Variants in PXDN observed in about 807,000 individuals in gnomAD.
PXDN encodes peroxidasin homolog.
A neutral mutation model predicts 140.3 loss-of-function variants in PXDN; 77 were observed. The observed-to-expected ratio is 0.55, with a 90% CI of 0.46 to 0.66. The LOEUF (loss-of-function observed/expected upper bound fraction) is 0.66, where lower values mean the gene tolerates loss of function less well. Ranked by LOEUF, PXDN falls within the 30% of genes least tolerant of loss-of-function variation. The pLI is 0.00. For missense variants in PXDN, 1,838 were observed against 2,039.5 expected (o/e 0.90, Z 1.90); for synonymous variants, 911 against 857.4 (o/e 1.06, Z -1.09).
In PXDN at chr2:1,648,089, G is replaced by C; in HGVS notation, c.3608+83C>G. The C allele has an allele frequency of 6.6e-7, 1 of 1,507,352 alleles. No individual in the cohort carries two copies. Among genetic ancestry groups the C allele is most frequent in the Non-Finnish European group, 9.0e-7 (1 of 1,109,682 alleles). The allele number at this position is 1,507,352 out of a possible 1,614,324, so 93.4% of individuals were successfully genotyped here. ...ACGACACGAACAAAACTCACACACA[G>C]AGACAAATAACACACACACCACAGT... On this transcript the variant is annotated intron_variant, in intron 17 of 22. Coordinates refer to ENST00000252804, the MANE Select transcript of PXDN (RefSeq NM_012293.3). This position sits in a 1 kb window ranked among gnomAD's most constrained non-coding sequence, Gnocchi z 8.9.
At chr2:1,659,898 A>G (rs962439513) in intron 14 of PXDN, among the ~76,000 whole-genome samples, 3 of 152,170 alleles carry the variant, frequency 2.0e-5, no homozygotes, top group Admixed American at 6.5e-5. Flanking sequence ...CTGTCTGTTA[A>G]CAAGTCCCAT....
chr2:1,716,241 C>T (rs542130758), intron 1 of PXDN, among the ~76,000 whole-genome samples: 1 of 152,042 alleles, frequency 6.6e-6, no homozygotes, highest in Admixed American at 6.5e-5. Flanking sequence ...AGTTTGAAAC[C>T]AGCCTGACCA....
At position 1,643,377 on chromosome 2, in the gene PXDN, A is replaced by C; in HGVS notation, c.3943T>G (p.Cys1315Gly). ...PRVDLRVWQD[C>G]CEDCRTRGQF... ...TGCCCCTGGCACGCACCTTCACAGC[A>C]GTCCTGCCACACCCGGAGGTCTACC... is the stretch of plus-strand genomic sequence containing the variant. Residue 1315 changes from cysteine (C) to glycine (G), a missense_variant, in exon 19 of 23, where the codon TGC becomes GGC. Cys to Gly is a radical substitution (Grantham distance 159, BLOSUM62 -3). Transcript: ENST00000252804. 1 of 1,613,686 alleles carries C rather than the reference A, an allele frequency of 6.2e-7. No homozygotes were observed. The highest frequency in any genetic ancestry group is 8.5e-7 in the Non-Finnish European group (1 of 1,179,808).
chr2:1,696,174 T>C (rs1162530619), intron 1 of PXDN, among the ~76,000 whole-genome samples: 1 of 152,274 alleles, frequency 6.6e-6, no homozygotes, highest in East Asian at 1.9e-4. Context: ...AAGTTTGGCA[T>C]GCAGAGTTCA....
chr2:1,641,413 G>C (rs577364807), intron 19 of PXDN, among the ~76,000 whole-genome samples: 1 of 152,312 alleles, frequency 6.6e-6, no homozygotes, highest in Admixed American at 6.5e-5. Flanking sequence ...GCCTCCCAAA[G>C]TGCTGAGATT....
chr2:1,702,550 G>A (rs566414013), intron 1 of PXDN, among the ~76,000 whole-genome samples: 8 of 152,352 alleles, frequency 5.3e-5, no homozygotes, highest in African/African-American at 1.9e-4. Flanking sequence ...TCGAGGACAT[G>A]CCCATGACAC....
At position 1,648,077 on chromosome 2, in the gene PXDN, A is replaced by C. The variant is rs552161290; in HGVS notation, c.3608+95T>G. 1.4e-4 allele frequency: 210 copies of C among 1,481,918 alleles called. No homozygotes were observed. In the African/African-American group the frequency reaches 2.8e-3, roughly 20 times the overall value. 91.8% of individuals were successfully genotyped at this position (1,481,918 alleles called of 1,614,324 possible). ...TCTCACCTCTGCACGACACGAACAA[A>C]ACTCACACACAGAGACAAATAACAC... On this transcript the variant is annotated intron_variant, in intron 17 of 22. Coordinates refer to ENST00000252804, the MANE Select transcript of PXDN (RefSeq NM_012293.3). This position sits in a 1 kb window ranked among gnomAD's most constrained non-coding sequence, Gnocchi z 8.9.
At chr2:1,670,857 A>G (rs1287363504) in intron 9 of PXDN, among the ~76,000 whole-genome samples, 2 of 152,170 alleles carry the variant, frequency 1.3e-5, no homozygotes, top group Non-Finnish European at 2.9e-5. Flanking sequence ...TGCCTGCCCC[A>G]CCCAGGGAAC....
intron 1 of PXDN, among the ~76,000 whole-genome samples, chr2:1,740,511 G>T (rs547917157): frequency 1.3e-5 from 2 of 152,176 alleles, no homozygotes; most frequent in African/African-American, 4.8e-5. Context: ...CAGGCGGGAG[G>T]AGACCCACAG....
intron 1 of PXDN, among the ~76,000 whole-genome samples, chr2:1,715,453 C>T (rs56183650): frequency 0.016 from 2,387 of 152,314 alleles, 37 homozygotes; most frequent in Admixed American, 0.039. Context: ...GAAGGGGGAA[C>T]TCAACTCAGC....
intron 21 of PXDN, among the ~76,000 whole-genome samples, chr2:1,637,681 G>GGGAGGAA (rs1246307697): frequency 0.7 from 48,022 of 68,908 alleles, 22,352 homozygotes; most frequent in East Asian, 0.86. Context: ...GGAGGCAGGA[G>GGGAGGAA]GACCTGCCAC....
At chr2:1,711,598 ACT>A (rs1164878738) in intron 1 of PXDN, among the ~76,000 whole-genome samples, 8 of 23,780 alleles carry the variant, frequency 3.4e-4, no homozygotes, top group African/African-American at 6.1e-4. Flanking sequence ...ACCAGCACCC[ACT>A]CTCCACCAGC....
In PXDN at chr2:1,649,751, C is replaced by T. The variant is rs1682971337; in HGVS notation, c.2105-76G>A. 2 of 1,502,764 alleles carry T rather than the reference C, an allele frequency of 1.3e-6. No individual in the cohort carries two copies. The highest frequency in any genetic ancestry group is 1.8e-6 in the Non-Finnish European group (2 of 1,085,716). The allele number at this position is 1,502,764 out of a possible 1,614,324, so 93.1% of individuals were successfully genotyped here. ...GAGGGCCCGGTACCCCTTGGCACCT[C>T]TGCCGCTGACATGGGGCTATCTACC... On this transcript the variant is annotated intron_variant, in intron 16 of 22. Coordinates refer to ENST00000252804, the MANE Select transcript of PXDN (RefSeq NM_012293.3). This position sits in a 1 kb window ranked among gnomAD's most constrained non-coding sequence, Gnocchi z 7.1.
chr2:1,639,062 A>G lies in PXDN; in HGVS notation c.4074-84T>C, dbSNP rs1024399353. On this transcript the variant is annotated intron_variant, in intron 20 of 22. Transcript: ENST00000252804. This position sits in a 1 kb window ranked among gnomAD's most constrained non-coding sequence, Gnocchi z 5.0. ...TCATTTCAAGGTTTCCTGGGTGTGC[A>G]CCGCCCCTGATGCTCTGAGCTGGGT... 1.4e-5 allele frequency: 4 copies of G among 291,374 alleles called. No homozygotes were observed. The African/African-American group carries it at 2.1e-4, about 15-fold the overall frequency. 18.0% of individuals were successfully genotyped at this position (291,374 alleles called of 1,614,324 possible).
At chr2:1,730,946 G>C (rs1014367598) in intron 1 of PXDN, among the ~76,000 whole-genome samples, 2 of 152,188 alleles carry the variant, frequency 1.3e-5, no homozygotes, top group Non-Finnish European at 2.9e-5. Flanking sequence ...CCTGTGAGAA[G>C]AGGAGGGAGA....
chr2:1,705,952 C>A (rs1028227767), intron 1 of PXDN, among the ~76,000 whole-genome samples: 1 of 136,556 alleles, frequency 7.3e-6, no homozygotes, highest in Non-Finnish European at 1.5e-5. Flanking sequence ...ATTACGGCCT[C>A]CCCCAGGCAC....
At chr2:1,731,220 T>C (rs1685307869) in intron 1 of PXDN, among the ~76,000 whole-genome samples, 1 of 151,608 alleles carries the variant, frequency 6.6e-6, no homozygotes, top group African/African-American at 2.4e-5. Flanking sequence ...CGAGCAATAA[T>C]TGTGTGCTAT....
At chr2:1,727,485 G>A (rs1039279699) in intron 1 of PXDN, among the ~76,000 whole-genome samples, 4 of 152,224 alleles carry the variant, frequency 2.6e-5, no homozygotes, top group Admixed American at 1.3e-4. Flanking sequence ...GAGGCTTCAA[G>A]GGGTGCGGTC....
chr2:1,648,521 T>C lies in PXDN; in HGVS notation c.3259A>G (p.Asn1087Asp). 1 of 1,613,180 alleles carries C rather than the reference T, an allele frequency of 6.2e-7. No homozygotes were observed. Among genetic ancestry groups the C allele is most frequent in the South Asian group, 1.1e-5 (1 of 91,062 alleles). The change falls in exon 17 of 23, where the codon AAC (asparagine) becomes GAC (aspartate). Residue 1087 changes from asparagine (N) to aspartate (D), a missense_variant. Around this residue, in one of 5 missense-constraint regions of PXDN, gnomAD observed 850 missense variants for 894.1 expected, o/e 0.95. Coordinates refer to ENST00000252804, the MANE Select transcript of PXDN (RefSeq NM_012293.3). This position sits in a 1 kb window ranked among gnomAD's most constrained non-coding sequence, Gnocchi z 8.9. ...VNPLLYRLDE[N>D]FQPIAQDHLP... The stretch of plus-strand genomic sequence containing the variant: ...TGATCTTGTGCAATGGGCTGGAAGT[T>C]CTCGTCCAGCCGGTAAAGCAGTGGG...
Sources: allele counts gnomAD v4.1 joint callset (sites outside exome capture counted in the v4.1 genomes callset), GRCh38; gene constraint gnomAD v4.1.1; regional missense constraint gnomAD v4.1.1; non-coding constraint Gnocchi (gnomAD v3.1); transcripts MANE v1.5; gene names NCBI Gene and HGNC (gene_info 2026-07-23, HGNC 2026-07-21).